Variants in KCNIP1 observed in about 807,000 individuals in gnomAD.
KCNIP1 encodes A-type potassium channel modulatory protein KCNIP1.
A neutral mutation model predicts 33.0 loss-of-function variants in KCNIP1; 18 were observed. The observed-to-expected ratio is 0.55, with a 90% CI of 0.38 to 0.81. The LOEUF (loss-of-function observed/expected upper bound fraction) is 0.81, where lower values mean the gene tolerates loss of function less well. Among genes scored for constraint, KCNIP1 ranks in the 30% least tolerant of loss-of-function variants. The probability of loss-of-function intolerance (pLI) is 0.00; values close to 1 mark genes in which losing one functional copy is unlikely to be tolerated. For synonymous variants in KCNIP1, 93 were observed against 98.3 expected (o/e 0.95, Z 0.32); for missense variants, 238 against 271.6 (o/e 0.88, Z 0.87).
intron 1 of KCNIP1, among the ~76,000 whole-genome samples, chr5:170,658,632 G>T: frequency 6.6e-6 from 1 of 152,162 alleles, no homozygotes; most frequent in East Asian, 1.9e-4. Context: ...TGCCCTTCCT[G>T]CCGGTGGTGG....
intron 1 of KCNIP1, among the ~76,000 whole-genome samples, chr5:170,660,003 C>T (rs1761413773): frequency 6.6e-6 from 1 of 152,074 alleles, no homozygotes; most frequent in African/African-American, 2.4e-5. Flanking sequence ...CTAACCGTTT[C>T]CATGGCCCAC....
At chr5:170,372,020 TAAG>T (rs1294191568) in intron 1 of KCNIP1, among the ~76,000 whole-genome samples, 1 of 152,158 alleles carries the variant, frequency 6.6e-6, no homozygotes. Flanking sequence ...CCCCACAGGT[TAAG>T]AACTCAGTCC....
chr5:170,481,975 G>A (rs1018398032), intron 1 of KCNIP1, among the ~76,000 whole-genome samples: 1 of 152,176 alleles, frequency 6.6e-6, no homozygotes, highest in African/African-American at 2.4e-5. Flanking sequence ...GTAGTAAAGT[G>A]AATTCTTTAA....
chr5:170,380,212 C>T (rs1043777460), intron 1 of KCNIP1, among the ~76,000 whole-genome samples: 9 of 152,174 alleles, frequency 5.9e-5, no homozygotes, highest in East Asian at 1.9e-4. Flanking sequence ...AGTCATAAAG[C>T]GGAGTTTTAT....
chr5:170,688,875 G>A (rs1762628484), intron 1 of KCNIP1, among the ~76,000 whole-genome samples: 1 of 151,980 alleles, frequency 6.6e-6, no homozygotes, highest in African/African-American at 2.4e-5. Context: ...CCTGTGTTGT[G>A]GTCATATAGA....
chr5:170,644,413 G>C (rs1026330408), intron 1 of KCNIP1, among the ~76,000 whole-genome samples: 8 of 152,198 alleles, frequency 5.3e-5, no homozygotes, highest in Admixed American at 5.2e-4. Flanking sequence ...TATCAGAGTG[G>C]AGGAGGCCAG....
chr5:170,475,486 C>G lies in KCNIP1; in HGVS notation c.88+121522C>G, dbSNP rs555912143. 2.0e-5 allele frequency among the ~76,000 whole-genome samples: 3 copies of G among 152,306 alleles called. No homozygotes were observed. The South Asian group carries it at 6.2e-4, about 32-fold the overall frequency. On this transcript the variant is annotated intron_variant, in intron 1 of 7. Coordinates refer to the KCNIP1 transcript ENST00000377360. ...GACCCACTGAGAGGTGACTCCCACACGGCTGTCCTGGAACAAGACAGCAGC... is the reference window on the plus strand; with the variant it reads ...GACCCACTGAGAGGTGACTCCCACAGGGCTGTCCTGGAACAAGACAGCAGC...
At chr5:170,502,744 C>G (rs78493161), upstream of KCNIP1, among the ~76,000 whole-genome samples, 221 of 152,144 alleles carry the variant, frequency 1.5e-3, 2 homozygotes, top group East Asian at 0.039. Flanking sequence ...GTGTGGCAGA[C>G]AGAAAATGGC....
chr5:170,450,389 A>G (rs1292200498), intron 1 of KCNIP1, among the ~76,000 whole-genome samples: 1 of 152,096 alleles, frequency 6.6e-6, no homozygotes, highest in Non-Finnish European at 1.5e-5. Context: ...CTACTCACAA[A>G]TCAAGATGTT....
rs56218336 is a variant in KCNIP1 at position 170,676,173 on chromosome 5, GAAGGAAAGGAAAGGAAAGGAAAGGA to G, written c.62-42559_62-42535del. On this transcript the variant is annotated intron_variant, in intron 1 of 7. Transcript: ENST00000328939. ...AGGGGGAGGTAGGGAGGGAAAGAAGGAAGGAAAGGAAAGGAAAGGAAAGGAAAGGAAAGGAAAGGAAAGGAAAGGA... is the reference window on the plus strand; with the variant it reads ...AGGGGGAGGTAGGGAGGGAAAGAAGGAAGGAAAGGAAAGGAAAGGAAAGGA... 1.5e-3 allele frequency among the ~76,000 whole-genome samples: 156 copies of G among 101,018 alleles called. 1 individual carries two copies. The highest frequency in any genetic ancestry group is 5.4e-3 in the Middle Eastern group (1 of 186). 66.3% of individuals were successfully genotyped at this position (101,018 alleles called of 152,430 possible). A position where few individuals can be genotyped will look rare whatever the true frequency, so the allele number is the denominator to read the frequency against.
intron 1 of KCNIP1, among the ~76,000 whole-genome samples, chr5:170,701,162 C>T (rs900429915): frequency 2.0e-5 from 3 of 152,160 alleles, no homozygotes; most frequent in Non-Finnish European, 2.9e-5. Flanking sequence ...ACCCCACAAT[C>T]GCAAGATATT....
At chr5:170,439,820 G>C (rs1488957614) in intron 1 of KCNIP1, among the ~76,000 whole-genome samples, 1 of 152,244 alleles carries the variant, frequency 6.6e-6, no homozygotes, top group Non-Finnish European at 1.5e-5. Context: ...GCCTGGGGCA[G>C]TCTGCTGAGA....
At chr5:170,606,026 C>T (rs942546220) in intron 1 of KCNIP1, among the ~76,000 whole-genome samples, 4 of 152,140 alleles carry the variant, frequency 2.6e-5, no homozygotes, top group Non-Finnish European at 4.4e-5. Flanking sequence ...CTGCCCACCT[C>T]GGCCTCTCAA....
chr5:170,710,351 G>T (rs1356017763), intron 1 of KCNIP1, among the ~76,000 whole-genome samples: 1 of 151,958 alleles, frequency 6.6e-6, no homozygotes, highest in Non-Finnish European at 1.5e-5. Flanking sequence ...TATATATTCT[G>T]GTTCTCTGGT....
chr5:170,686,517 C>A (rs1205171273), intron 1 of KCNIP1, among the ~76,000 whole-genome samples: 1 of 152,124 alleles, frequency 6.6e-6, no homozygotes, highest in Non-Finnish European at 1.5e-5. Context: ...TTGCAAATTG[C>A]CAATTGTTTT....
chr5:170,621,464 A>T (rs1759600000), intron 1 of KCNIP1, among the ~76,000 whole-genome samples: 1 of 152,154 alleles, frequency 6.6e-6, no homozygotes, highest in African/African-American at 2.4e-5. Flanking sequence ...AGCAGCCATG[A>T]GGGTCAGCAC....
At chr5:170,669,010 T>C (rs917509037) in intron 1 of KCNIP1, among the ~76,000 whole-genome samples, 1 of 152,202 alleles carries the variant, frequency 6.6e-6, no homozygotes, top group Admixed American at 6.5e-5. Context: ...TGGGTGTCCC[T>C]GCAGCCTAGC....
At chr5:170,356,918 C>T (rs1193799245) in intron 1 of KCNIP1, among the ~76,000 whole-genome samples, 1 of 152,126 alleles carries the variant, frequency 6.6e-6, no homozygotes, top group Non-Finnish European at 1.5e-5. Context: ...GAGTCTGCAG[C>T]CTCCAGCCTC....
intron 1 of KCNIP1, among the ~76,000 whole-genome samples, chr5:170,608,775 AT>A (rs1435077723): frequency 6.7e-6 from 1 of 148,206 alleles, no homozygotes; most frequent in Non-Finnish European, 1.5e-5. Context: ...AAAAAAAAAA[AT>A]TAATGCAAAG....
Sources: gnomAD v4.1 joint callset for allele counts (sites outside exome capture counted in the v4.1 genomes callset) on GRCh38, gnomAD v4.1.1 for gene constraint, MANE v1.5 for transcripts, NCBI Gene and HGNC (gene_info 2026-07-23, HGNC 2026-07-21) for gene names.